MEI1: variants seen among roughly 807,000 people sequenced by gnomAD.
The protein encoded by MEI1 is meiotic double-stranded break formation protein 1, also known as meiosis inhibitor protein 1.
A neutral mutation model predicts 146.2 loss-of-function variants in MEI1; 103 were observed. The ratio of observed to expected loss-of-function variants is 0.70; its 90% CI spans 0.60 to 0.83. MEI1 has a LOEUF of 0.83. Ranked by LOEUF, MEI1 falls within the 40% of genes least tolerant of loss-of-function variation. The pLI is 0.00. For missense variants in MEI1, 1,529 were observed against 1,533.0 expected, an observed-to-expected ratio of 1.00 and a Z score of 0.04; for synonymous variants, 652 against 628.2, an observed-to-expected ratio of 1.04 and a Z score of -0.57.
intron 1 of MEI1, among the ~76,000 whole-genome samples, chr22:41,700,349 G>A (rs762725433): frequency 5.3e-5 from 8 of 152,186 alleles, no homozygotes; most frequent in Non-Finnish European, 1.0e-4. Context: ...TGTTTGTTTC[G>A]AGACGGAGTC....
Position 41,770,844 on chromosome 22 carries a change from G to A in MEI1, c.2427G>A (p.Glu809=), listed in dbSNP as rs775610638. The part of the protein sequence containing the change: ...RVLELWFFWE[E]SSYEELDDVT... ...TGGAACTTTGGTTCTTCTGGGAAGA[G>A]AGCAGCTATGAGGAACTGGATGATG... The change falls in exon 20 of 31, where the codon GAG becomes GAA. Residue 809 remains glutamate (E), a synonymous_variant. Transcript: ENST00000401548. 1.2e-6 allele frequency: 2 copies of A among 1,613,856 alleles called. No individual in the cohort carries two copies. The highest frequency in any genetic ancestry group is 1.6e-4 in the Middle Eastern group (1 of 6,084).
chr22:41,774,942 G>T (rs1320366507), intron 20 of MEI1, among the ~76,000 whole-genome samples: 1 of 152,118 alleles, frequency 6.6e-6, no homozygotes, highest in Non-Finnish European at 1.5e-5. Flanking sequence ...ACCTGGGTTT[G>T]TCTGGCCAGA....
chr22:41,790,334 C>G (rs2076133125), intron 26 of MEI1, among the ~76,000 whole-genome samples: 1 of 152,156 alleles, frequency 6.6e-6, no homozygotes. Flanking sequence ...ATCTGCCTGC[C>G]TTGGCATCCC....
intron 20 of MEI1, among the ~76,000 whole-genome samples, chr22:41,771,626 A>T (rs2075187500): frequency 6.6e-6 from 1 of 151,030 alleles, no homozygotes; most frequent in Non-Finnish European, 1.5e-5. Flanking sequence ...TTTTTAAGAG[A>T]TGGGGTTTCA....
chr22:41,745,848 A>G (rs762557459), intron 13 of MEI1, 37 bp from the exon 14 acceptor site: 20 of 1,554,482 alleles, frequency 1.3e-5, no homozygotes, highest in Non-Finnish European at 1.7e-5. Flanking sequence ...TAGGTTGCAT[A>G]GGTGGTAGTG....
intron 3 of MEI1, among the ~76,000 whole-genome samples, chr22:41,708,135 T>C (rs552316150): frequency 3.9e-5 from 6 of 152,356 alleles, no homozygotes; most frequent in African/African-American, 1.4e-4. Flanking sequence ...CCTATATGAA[T>C]ATTCTGTTAC....
chr22:41,716,056 T>C lies in MEI1; in HGVS notation c.439T>C (p.Ser147Pro), dbSNP rs746645655. Residue 147 changes from serine to proline, a missense_variant, in exon 5 of 31, where the codon TCC (serine) becomes CCC (proline). Physicochemically the swap from Ser to Pro is moderately conservative, Grantham distance 74. Coordinates refer to ENST00000401548, the MANE Select transcript of MEI1 (RefSeq NM_152513.4). Reference sequence around the variant, plus strand: ...CTTTCTGTAGCTGTGTAACATGCCCTCCATGCGAGGCAGCCTGGCCACCCT... The same window carrying C: ...CTTTCTGTAGCTGTGTAACATGCCCCCCATGCGAGGCAGCCTGGCCACCCT... ...ECHKELCNMPSMRGSLATLTL... is the reference protein window; with the variant it reads ...ECHKELCNMPPMRGSLATLTL... 3.1e-6 allele frequency: 5 copies of C among 1,609,970 alleles called. No individual in the cohort carries two copies. In the Admixed American group the frequency reaches 8.4e-5, roughly 27 times the overall value.
chr22:41,797,958 G>A (rs991322113), intron 30 of MEI1, among the ~76,000 whole-genome samples: 5 of 152,026 alleles, frequency 3.3e-5, no homozygotes, highest in Non-Finnish European at 7.4e-5. Flanking sequence ...ACATTCAGTC[G>A]TGCCCAGAAT....
At chr22:41,706,011 CT>C (rs2069066760) in intron 3 of MEI1, among the ~76,000 whole-genome samples, 1 of 151,462 alleles carries the variant, frequency 6.6e-6, no homozygotes, top group Non-Finnish European at 1.5e-5. Context: ...CCCAGTCTTT[CT>C]TTTTCTCTCT....
chr22:41,709,008 C>T (rs1422339181), intron 3 of MEI1, among the ~76,000 whole-genome samples: 1 of 152,208 alleles, frequency 6.6e-6, no homozygotes, highest in Non-Finnish European at 1.5e-5. Flanking sequence ...TCTCTCACAA[C>T]TAGAAGGGAA....
chr22:41,735,462 G>T (rs893753286), intron 11 of MEI1, among the ~76,000 whole-genome samples: 4 of 152,052 alleles, frequency 2.6e-5, no homozygotes, highest in Admixed American at 2.6e-4. Context: ...TCGAACTGCC[G>T]ACCTCAGGTG....
intron 20 of MEI1, among the ~76,000 whole-genome samples, chr22:41,775,533 A>T (rs1247134905): frequency 4.6e-5 from 7 of 151,704 alleles, no homozygotes; most frequent in Non-Finnish European, 1.0e-4. Flanking sequence ...TTAGCAAGTC[A>T]TGTAATCTCT....
At chr22:41,712,229 TTTTG>T (rs374048721) in intron 3 of MEI1, among the ~76,000 whole-genome samples, 1 of 81,756 alleles carries the variant, frequency 1.2e-5, no homozygotes, top group Non-Finnish European at 2.4e-5. Context: ...ATTGTGTTTT[TTTTG>T]TTTGTTTGTT....
intron 26 of MEI1, among the ~76,000 whole-genome samples, chr22:41,790,634 C>T (rs1326438397): frequency 6.6e-6 from 1 of 151,780 alleles, no homozygotes; most frequent in Non-Finnish European, 1.5e-5. Context: ...ACTCTGTCAC[C>T]CAGGCTGGAG....
intron 12 of MEI1, 126 bp downstream of exon 12, chr22:41,743,320 A>G (rs113693744): frequency 4.9e-6 from 3 of 613,040 alleles, no homozygotes; most frequent in African/African-American, 1.8e-5. Flanking sequence ...CATGGCTACA[A>G]TGAGATGCTT....
In MEI1 at chr22:41,770,859, A is replaced by G. The variant is rs776812290; in HGVS notation, c.2442A>G (p.Glu814=). 13 of 1,613,978 alleles carry G rather than the reference A, an allele frequency of 8.1e-6. No individual in the cohort carries two copies. In the East Asian group the frequency reaches 2.2e-4, roughly 28 times the overall value. ...WFFWEESSYE[E]LDDVTSAGQP... ...TCTGGGAAGAGAGCAGCTATGAGGA[A>G]CTGGATGATGTCACCTCTGCTGGGC... Residue 814 remains glutamate (E), a synonymous_variant, in exon 20 of 31, where the codon GAA becomes GAG. Coordinates refer to ENST00000401548, the MANE Select transcript of MEI1 (RefSeq NM_152513.4).
At chr22:41,765,908 T>TA (rs2074819939) in intron 19 of MEI1, among the ~76,000 whole-genome samples, 3 of 141,976 alleles carry the variant, frequency 2.1e-5, no homozygotes, top group South Asian at 2.2e-4. Flanking sequence ...TTTTTTTTTT[T>TA]AGACGGAGTC....
chr22:41,736,391 A>C, intron 11 of MEI1, among the ~76,000 whole-genome samples: 1 of 151,702 alleles, frequency 6.6e-6, no homozygotes. Context: ...CTGGGACTAC[A>C]GGTGCCTGCC....
intron 3 of MEI1, among the ~76,000 whole-genome samples, chr22:41,711,158 T>C (rs2069523391): frequency 6.6e-6 from 1 of 152,126 alleles, no homozygotes; most frequent in Non-Finnish European, 1.5e-5. Flanking sequence ...CCAGGCCTCA[T>C]TGTCACCAGT....
Sources: allele counts gnomAD v4.1 joint callset (sites outside exome capture counted in the v4.1 genomes callset), GRCh38; gene constraint gnomAD v4.1.1; transcripts MANE v1.5; gene names NCBI Gene and HGNC (gene_info 2026-07-23, HGNC 2026-07-21).